Variants in STON1 observed in about 807,000 individuals in gnomAD.
The protein encoded by STON1 is stonin-1.
In STON1, 79 loss-of-function variants were observed where a neutral mutation model predicts 60.9. The ratio of observed to expected loss-of-function variants is 1.30; its 90% CI spans 1.08 to 1.56. The LOEUF is 1.56. STON1 is among the 40% of genes most tolerant of loss of function. The probability of loss-of-function intolerance (pLI) is 0.00; values close to 1 mark genes in which losing one functional copy is unlikely to be tolerated. For missense variants in STON1, 1,166 were observed against 858.9 expected (o/e 1.36, Z -4.47); for synonymous variants, 363 against 306.9 (o/e 1.18, Z -1.91).
chr2:48,570,278 G>A (rs1406890048), intron 1 of STON1, among the ~76,000 whole-genome samples: 1 of 152,090 alleles, frequency 6.6e-6, no homozygotes, highest in East Asian at 1.9e-4. Context: ...GAAGTGTAGT[G>A]AGCTGAGATT....
At chr2:48,574,330 C>A (rs879290487) in intron 1 of STON1, among the ~76,000 whole-genome samples, 3 of 150,790 alleles carry the variant, frequency 2.0e-5, no homozygotes, top group Non-Finnish European at 4.4e-5. Flanking sequence ...GAGTCGAGAT[C>A]GTGCCACTGC....
intron 1 of STON1, among the ~76,000 whole-genome samples, chr2:48,578,353 T>C (rs950190463): frequency 1.3e-5 from 2 of 152,224 alleles, no homozygotes; most frequent in East Asian, 3.8e-4. Context: ...ACAGGCTACA[T>C]GTAGTCCAGG....
intron 1 of STON1, among the ~76,000 whole-genome samples, chr2:48,535,434 A>C (rs1350036976): frequency 6.6e-6 from 1 of 152,178 alleles, no homozygotes; most frequent in Non-Finnish European, 1.5e-5. Context: ...GTCCCCTCAC[A>C]GGCAAGCAGC....
At chr2:48,532,264 G>A (rs978703907) in intron 1 of STON1, among the ~76,000 whole-genome samples, 3 of 151,856 alleles carry the variant, frequency 2.0e-5, no homozygotes, top group Non-Finnish European at 4.4e-5. Context: ...CGGAAGAATC[G>A]TTTGAACCTG....
At chr2:48,564,227 A>G (rs1288776849) in intron 1 of STON1, among the ~76,000 whole-genome samples, 1 of 152,204 alleles carries the variant, frequency 6.6e-6, no homozygotes, top group Non-Finnish European at 1.5e-5. Context: ...ACAAAATACC[A>G]TAGACCAGGT....
rs187843513 is a variant in STON1 at position 48,584,251 on chromosome 2, G to T, written c.1930+1688G>T. On this transcript the variant is annotated intron_variant, in intron 2 of 3. Transcript: ENST00000404752. ...TTTTCTTTGGGGTGGCCTTATGGCAGTGTTTCTCAAACCTGGCTATATTAT... is the reference window on the plus strand; with the variant it reads ...TTTTCTTTGGGGTGGCCTTATGGCATTGTTTCTCAAACCTGGCTATATTAT... Among the ~76,000 whole-genome samples, 3 of 152,208 alleles carry T rather than the reference G, an allele frequency of 2.0e-5. No individual in the cohort carries two copies. The East Asian group carries it at 5.8e-4, about 29-fold the overall frequency.
intron 1 of STON1, among the ~76,000 whole-genome samples, chr2:48,573,587 C>T (rs1215140933): frequency 6.6e-6 from 1 of 152,208 alleles, no homozygotes; most frequent in Admixed American, 6.5e-5. Context: ...CTACACTTCA[C>T]TGCCTCTGGT....
intron 2 of STON1, among the ~76,000 whole-genome samples, chr2:48,588,371 C>T (rs938330078): frequency 1.3e-5 from 2 of 152,116 alleles, no homozygotes; most frequent in Non-Finnish European, 2.9e-5. Context: ...AAAGATACTT[C>T]GAAAATGGAA....
chr2:48,540,887 C>T (rs1433760881), intron 1 of STON1, among the ~76,000 whole-genome samples: 1 of 152,172 alleles, frequency 6.6e-6, no homozygotes, highest in Non-Finnish European at 1.5e-5. Context: ...AGCCCCCACA[C>T]ATTTGGTCAC....
At chr2:48,575,755 G>GTTTTTTTTTTTTTTTTTTTT (rs199808169) in intron 1 of STON1, among the ~76,000 whole-genome samples, 2 of 109,736 alleles carry the variant, frequency 1.8e-5, no homozygotes, top group Non-Finnish European at 1.8e-5. Context: ...TTTAGTTTTT[G>GTTTTTTTTTTTTTTTTTTTT]TTTGTTTTTT....
At chr2:48,546,254 G>T (rs1398637336) in intron 1 of STON1, among the ~76,000 whole-genome samples, 1 of 152,188 alleles carries the variant, frequency 6.6e-6, no homozygotes, top group Non-Finnish European at 1.5e-5. Context: ...TCGTGAGACA[G>T]AATGGCTTCT....
chr2:48,566,756 G>C (rs1672961584), intron 1 of STON1, among the ~76,000 whole-genome samples: 1 of 152,208 alleles, frequency 6.6e-6, no homozygotes, highest in African/African-American at 2.4e-5. Context: ...CCTATCTTCA[G>C]GCATTGATTG....
At chr2:48,541,868 C>T (rs1033770739) in intron 1 of STON1, among the ~76,000 whole-genome samples, 32 of 152,258 alleles carry the variant, frequency 2.1e-4, no homozygotes, top group African/African-American at 6.7e-4. Flanking sequence ...GAACCCTGCA[C>T]GCTTACTGCG....
At chr2:48,558,201 G>A (rs1322119374) in intron 1 of STON1, among the ~76,000 whole-genome samples, 1 of 152,224 alleles carries the variant, frequency 6.6e-6, no homozygotes, top group Non-Finnish European at 1.5e-5. Flanking sequence ...TCTAGCCTGG[G>A]CGAAGAGCGA....
chr2:48,543,341 A>T (rs1374238105), intron 1 of STON1, among the ~76,000 whole-genome samples: 1 of 152,036 alleles, frequency 6.6e-6, no homozygotes, highest in East Asian at 1.9e-4. Flanking sequence ...CTTTTTGGAC[A>T]GCCAGTTTAT....
intron 2 of STON1, among the ~76,000 whole-genome samples, chr2:48,586,646 G>C (rs1197336855): frequency 6.6e-6 from 1 of 152,154 alleles, no homozygotes; most frequent in Admixed American, 6.5e-5. Context: ...TCGGGGAAGA[G>C]ACCAGTGTAT....
At chr2:48,536,283 C>T (rs549789451) in intron 1 of STON1, among the ~76,000 whole-genome samples, 2 of 152,004 alleles carry the variant, frequency 1.3e-5, no homozygotes, top group Non-Finnish European at 2.9e-5. Flanking sequence ...TGTGGTGGCT[C>T]ACGCTTGTAA....
At chr2:48,538,332 C>T (rs962671492) in intron 1 of STON1, among the ~76,000 whole-genome samples, 10 of 152,066 alleles carry the variant, frequency 6.6e-5, no homozygotes, top group Non-Finnish European at 1.3e-4. Context: ...AAACTCATTA[C>T]GAAATCATCT....
At position 48,583,277 on chromosome 2, in the gene STON1, C is replaced by T. The variant is rs895093475; in HGVS notation, c.1930+714C>T. Among the ~76,000 whole-genome samples the T allele has an allele frequency of 3.3e-5, 5 of 152,120 alleles. No homozygotes were observed. In the East Asian group the frequency reaches 5.8e-4, roughly 18 times the overall value. ...CTAATTTTTTGTTTTTTAGTAGAGA[C>T]GGGGTCTCCCTATGTTGCCCAGGCT... On this transcript the variant is annotated intron_variant, in intron 2 of 3. Coordinates refer to ENST00000404752, the MANE Select transcript of STON1 (RefSeq NM_006873.4).
Sources: allele counts gnomAD v4.1 joint callset (sites outside exome capture counted in the v4.1 genomes callset), GRCh38; gene constraint gnomAD v4.1.1; transcripts MANE v1.5; gene names NCBI Gene and HGNC (gene_info 2026-07-23, HGNC 2026-07-21).